CFAP418: variants seen among roughly 807,000 people sequenced by gnomAD.
CFAP418 encodes cilia- and flagella-associated protein 418.
A neutral mutation model predicts 24.7 loss-of-function variants in CFAP418; 27 were observed. That is an observed-to-expected ratio of 1.09 (90% CI 0.81 to 1.51). CFAP418 has a LOEUF of 1.51. Among genes scored for constraint, CFAP418 ranks in the 40% most tolerant of loss-of-function variants. The probability of loss-of-function intolerance (pLI) is 0.00; values close to 1 mark genes in which losing one functional copy is unlikely to be tolerated. For synonymous variants in CFAP418, 74 were observed against 87.3 expected (o/e 0.85, Z 0.85); for missense variants, 257 against 255.2 (o/e 1.01, Z -0.05).
At chr8:95,256,224 T>G (rs1303461075) in intron 4 of CFAP418, among the ~76,000 whole-genome samples, 1 of 152,202 alleles carries the variant, frequency 6.6e-6, no homozygotes, top group African/African-American at 2.4e-5. Flanking sequence ...CCAGAATGTA[T>G]TTTTTTAAAA....
intron 1 of CFAP418, among the ~76,000 whole-genome samples, chr8:95,268,055 G>T (rs2132168520): frequency 6.6e-6 from 1 of 152,148 alleles, no homozygotes; most frequent in African/African-American, 2.4e-5. Context: ...CTTAACTAGG[G>T]GGCCATGGAG....
At chr8:95,248,267 A>G (rs1283780825) in intron 5 of CFAP418, among the ~76,000 whole-genome samples, 1 of 152,212 alleles carries the variant, frequency 6.6e-6, no homozygotes, top group Non-Finnish European at 1.5e-5. Flanking sequence ...TTTTTATGGC[A>G]ATCCTCTAGG....
chr8:95,256,061 T>C (rs7844993), intron 4 of CFAP418, among the ~76,000 whole-genome samples: 44,441 of 152,104 alleles, frequency 0.29, 6,543 homozygotes, highest in East Asian at 0.4. Context: ...TAGTATGTGA[T>C]AGGAGCCTCG....
At chr8:95,254,284 G>C (rs1445361450) in intron 4 of CFAP418, among the ~76,000 whole-genome samples, 1 of 152,134 alleles carries the variant, frequency 6.6e-6, no homozygotes. Flanking sequence ...CCACCAACAA[G>C]TGAAAGACAA....
chr8:95,267,684 A>G (rs914696843), intron 1 of CFAP418, among the ~76,000 whole-genome samples: 1 of 152,222 alleles, frequency 6.6e-6, no homozygotes, highest in Non-Finnish European at 1.5e-5. Context: ...GAAATCACAC[A>G]TACACACACC....
chr8:95,264,750 A>G (rs1414222476), intron 1 of CFAP418, among the ~76,000 whole-genome samples: 2 of 152,204 alleles, frequency 1.3e-5, no homozygotes, highest in African/African-American at 4.8e-5. Context: ...TCTTCATTAC[A>G]TCTTGGAGTA....
chr8:95,248,400 T>C (rs1811658996), intron 5 of CFAP418, among the ~76,000 whole-genome samples: 1 of 152,194 alleles, frequency 6.6e-6, no homozygotes, highest in Admixed American at 6.5e-5. Context: ...CTACCTCAGA[T>C]ACTCACCTAT....
At chr8:95,268,880 T>C in intron 1 of CFAP418, 155 bp downstream of exon 1, 1 of 777,810 alleles carries the variant, frequency 1.3e-6, no homozygotes, top group Non-Finnish European at 2.1e-6. Flanking sequence ...ACGAATGCGC[T>C]GCCGCGGAGG....
intron 4 of CFAP418, among the ~76,000 whole-genome samples, chr8:95,256,786 C>T (rs1587353016): frequency 6.6e-6 from 1 of 152,184 alleles, no homozygotes; most frequent in East Asian, 1.9e-4. Context: ...AGGAGACATG[C>T]ATTAGAAGGG....
chr8:95,252,719 G>C (rs1401908883), intron 4 of CFAP418, among the ~76,000 whole-genome samples: 1 of 152,176 alleles, frequency 6.6e-6, no homozygotes, highest in Non-Finnish European at 1.5e-5. Context: ...CAGATAAGCT[G>C]CTTAAGCGCT....
At position 95,247,071 on chromosome 8, in the gene CFAP418, T is replaced by C. The variant is rs1277184197; in HGVS notation, c.*546A>G. ...TGAGTTGATGAGGTAAGATCAGCTATGAGGCAGTGTTTTTGCAAAATACCT... is the reference window on the plus strand; with the variant it reads ...TGAGTTGATGAGGTAAGATCAGCTACGAGGCAGTGTTTTTGCAAAATACCT... On this transcript the variant is annotated 3_prime_UTR_variant, in exon 6 of 6. Coordinates refer to ENST00000286688, the MANE Select transcript of CFAP418 (RefSeq NM_177965.4). 1 of 155,596 alleles carries C rather than the reference T, an allele frequency of 6.4e-6. No individual in the cohort carries two copies. Among genetic ancestry groups the C allele is most frequent in the Non-Finnish European group, 1.4e-5 (1 of 69,952 alleles). The allele number at this position is 155,596 out of a possible 1,614,324, so 9.6% of individuals were successfully genotyped here.
chr8:95,263,829 G>C, intron 1 of CFAP418, 55 bp from the exon 2 acceptor site: 1 of 998,958 alleles, frequency 1.0e-6, no homozygotes. Context: ...AGCAGAGAAA[G>C]CTAGTATCAG....
At chr8:95,261,294 A>G (rs1450019996) in intron 2 of CFAP418, among the ~76,000 whole-genome samples, 1 of 152,194 alleles carries the variant, frequency 6.6e-6, no homozygotes, top group East Asian at 1.9e-4. Flanking sequence ...TATGTCTCTC[A>G]ACTCTTATTT....
chr8:95,266,230 T>C (rs180731715), intron 1 of CFAP418, among the ~76,000 whole-genome samples: 5 of 152,208 alleles, frequency 3.3e-5, no homozygotes, highest in African/African-American at 7.2e-5. Context: ...GCTGTTATTA[T>C]AGTTATCATC....
chr8:95,265,981 T>C (rs888255005), intron 1 of CFAP418, among the ~76,000 whole-genome samples: 26 of 152,204 alleles, frequency 1.7e-4, no homozygotes, highest in African/African-American at 5.8e-4. Flanking sequence ...ATAAAACATA[T>C]ATTTAAGATA....
Position 95,266,082 on chromosome 8 carries a change from T to C in CFAP418, c.156-2308A>G, listed in dbSNP as rs967664230. Among the ~76,000 whole-genome samples, 23 of 152,348 alleles carry C rather than the reference T, an allele frequency of 1.5e-4. 1 individual carries two copies. The highest frequency in any genetic ancestry group is 3.4e-3 in the Middle Eastern group (1 of 294). On this transcript the variant is annotated intron_variant, in intron 1 of 5. Transcript: ENST00000286688. The stretch of plus-strand genomic sequence containing the variant: ...CTACTATGTCCTTGTGATTTAGCAA[T>C]ATGACTTTAGGCAAGTAACTAAGCA...
At position 95,246,286 on chromosome 8, in the gene CFAP418, G is replaced by A. The variant is rs189282313; in HGVS notation, c.*1331C>T. On this transcript the variant is annotated 3_prime_UTR_variant, in exon 6 of 6. Transcript: ENST00000286688. ...TTACAGGCGTGAGCTACCATGCTTA[G>A]TCTGTCATAATATCCTTAATACAAA... 6.6e-6 allele frequency: 1 copy of A among 152,332 alleles called. No individual in the cohort carries two copies. The highest frequency in any genetic ancestry group is 1.5e-5 in the Non-Finnish European group (1 of 68,052). The allele number at this position is 152,332 out of a possible 1,614,324, so 9.4% of individuals were successfully genotyped here. A position where few individuals can be genotyped will look rare whatever the true frequency, so the allele number is the denominator to read the frequency against.
At chr8:95,263,130 A>T (rs1007096758) in intron 2 of CFAP418, among the ~76,000 whole-genome samples, 1 of 152,196 alleles carries the variant, frequency 6.6e-6, no homozygotes, top group African/African-American at 2.4e-5. Flanking sequence ...TTTTTAAAAA[A>T]AAAGGTCCAG....
At chr8:95,248,013 A>T (rs569520390) in intron 5 of CFAP418, among the ~76,000 whole-genome samples, 15 of 151,476 alleles carry the variant, frequency 9.9e-5, no homozygotes, top group African/African-American at 3.1e-4. Flanking sequence ...GGCTTAAAAA[A>T]TTTTTTTTTG....
Sources: gnomAD v4.1 joint callset for allele counts (sites outside exome capture counted in the v4.1 genomes callset) on GRCh38, gnomAD v4.1.1 for gene constraint, MANE v1.5 for transcripts, NCBI Gene and HGNC (gene_info 2026-07-23, HGNC 2026-07-21) for gene names.